The following GRIP1 variants were observed in gnomAD, a reference collection of about 807,000 sequenced individuals.
The protein encoded by GRIP1 is glutamate receptor-interacting protein 1.
GRIP1 carries 45 observed loss-of-function variants against 129.9 expected under a neutral mutation model. That is an observed-to-expected ratio of 0.35 (90% confidence interval 0.27 to 0.44). The LOEUF is 0.44. Ranked by LOEUF, GRIP1 falls within the 20% of genes least tolerant of loss-of-function variation. The pLI, the probability that GRIP1 is intolerant of heterozygous loss-of-function variation, is 1.00. For synonymous variants in GRIP1, 530 were observed against 520.8 expected (o/e 1.02, Z -0.24); for missense variants, 1,196 against 1,396.8 (o/e 0.86, Z 2.29).
intron 2 of GRIP1, among the ~76,000 whole-genome samples, chr12:66,588,504 G>A (rs1390838737): frequency 6.6e-6 from 1 of 152,076 alleles, no homozygotes; most frequent in Non-Finnish European, 1.5e-5. Context: ...AGGCTCAACT[G>A]GCCTTGAGAA....
intron 1 of GRIP1, among the ~76,000 whole-genome samples, chr12:67,063,985 T>C (rs2043579399): frequency 6.6e-6 from 1 of 152,192 alleles, no homozygotes; most frequent in South Asian, 2.1e-4. Flanking sequence ...TCAATTCTTG[T>C]TAATGCTTGC....
At chr12:66,732,543 A>AAAAC (rs1176748024) in intron 1 of GRIP1, among the ~76,000 whole-genome samples, 156 of 152,072 alleles carry the variant, frequency 1.0e-3, no homozygotes, top group African/African-American at 3.7e-3. Flanking sequence ...ACACCGTCTC[A>AAAAC]AAACAAACAA....
chr12:67,068,624 C>T (rs796507314), intron 1 of GRIP1, among the ~76,000 whole-genome samples: 10 of 152,098 alleles, frequency 6.6e-5, no homozygotes, highest in African/African-American at 2.4e-4. Flanking sequence ...AGGGTGGCCG[C>T]GGGAGGTGGA....
intron 1 of GRIP1, among the ~76,000 whole-genome samples, chr12:66,663,197 G>A (rs924003533): frequency 1.3e-5 from 2 of 152,050 alleles, no homozygotes; most frequent in African/African-American, 4.8e-5. Context: ...ATTAATTATT[G>A]TCATAAAGAG....
chr12:66,867,832 G>A (rs1033121455), intron 1 of GRIP1, among the ~76,000 whole-genome samples: 2 of 152,064 alleles, frequency 1.3e-5, no homozygotes, highest in Admixed American at 6.6e-5. Context: ...AGTCATATAC[G>A]ACGGGTACTC....
At chr12:66,445,748 C>A (rs554801437) in intron 11 of GRIP1, among the ~76,000 whole-genome samples, 1 of 152,266 alleles carries the variant, frequency 6.6e-6, no homozygotes, top group Non-Finnish European at 1.5e-5. Context: ...AACCAGGGAT[C>A]ATTGTGGGGG....
chr12:66,841,290 G>A (rs897748321), intron 1 of GRIP1, among the ~76,000 whole-genome samples: 1 of 152,014 alleles, frequency 6.6e-6, no homozygotes, highest in African/African-American at 2.4e-5. Context: ...AGTCCTTCAA[G>A]GGATACCAAG....
intron 1 of GRIP1, among the ~76,000 whole-genome samples, chr12:66,979,125 T>A (rs936226809): frequency 2.7e-5 from 4 of 150,334 alleles, no homozygotes; most frequent in Non-Finnish European, 5.9e-5. Context: ...GAAAATACAC[T>A]TTTTTTCCTG....
chr12:66,696,910 A>C (rs1001150117), intron 1 of GRIP1, among the ~76,000 whole-genome samples: 2 of 152,182 alleles, frequency 1.3e-5, no homozygotes, highest in Non-Finnish European at 2.9e-5. Flanking sequence ...AGATGCAAAA[A>C]AAGTTGCTTG....
At chr12:66,472,005 A>G (rs1450265739) in intron 7 of GRIP1, among the ~76,000 whole-genome samples, 1 of 152,192 alleles carries the variant, frequency 6.6e-6, no homozygotes, top group Non-Finnish European at 1.5e-5. Context: ...AATTCAAGGA[A>G]GTCCCCTGTG....
chr12:66,527,580 C>T (rs190721065), intron 5 of GRIP1, among the ~76,000 whole-genome samples: 2 of 151,910 alleles, frequency 1.3e-5, no homozygotes, highest in Non-Finnish European at 2.9e-5. Flanking sequence ...TGCTAAATGA[C>T]AAGTTAATGG....
chr12:67,002,234 T>C (rs1459211735), intron 1 of GRIP1, among the ~76,000 whole-genome samples: 1 of 152,206 alleles, frequency 6.6e-6, no homozygotes, highest in Non-Finnish European at 1.5e-5. Context: ...AACTATTTTT[T>C]CCCACTCAAA....
intron 1 of GRIP1, among the ~76,000 whole-genome samples, chr12:66,663,425 C>T (rs993914995): frequency 1.3e-5 from 2 of 152,194 alleles, no homozygotes; most frequent in Admixed American, 1.3e-4. Flanking sequence ...CTTTCACCAT[C>T]TGGGGGGCCA....
chr12:66,529,887 C>A lies in GRIP1; in HGVS notation c.446G>T (p.Arg149Leu). ...VSVQGSSVIF[R>L]TVEVTLHKEG... The stretch of plus-strand genomic sequence containing the variant: ...TTTATGTAATGTGACCTCCACTGTT[C>A]GGAAAATAACACTTGATCCTTGCAC... Residue 149 changes from arginine (R) to leucine (L), a missense_variant, in exon 5 of 25, where the codon CGA becomes CTA. By Grantham distance (102) the Arg-to-Leu change is moderately radical. Coordinates refer to ENST00000359742, the MANE Select transcript of GRIP1 (RefSeq NM_001366722.1). The A allele has an allele frequency of 1.2e-6, 2 of 1,601,770 alleles. No individual in the cohort carries two copies. The highest frequency in any genetic ancestry group is 1.1e-5 in the South Asian group (1 of 90,784).
intron 1 of GRIP1, among the ~76,000 whole-genome samples, chr12:67,002,818 TCTA>T (rs2042571411): frequency 2.0e-5 from 3 of 152,214 alleles, no homozygotes; most frequent in Non-Finnish European, 4.4e-5. Context: ...CAGAGACTTC[TCTA>T]AGTAAAGAAG....
intron 9 of GRIP1, among the ~76,000 whole-genome samples, chr12:66,462,464 G>GA (rs1320573708): frequency 6.6e-6 from 1 of 151,922 alleles, no homozygotes; most frequent in Non-Finnish European, 1.5e-5. Context: ...ACTTTTTTAA[G>GA]AAAAAAATAT....
intron 2 of GRIP1, among the ~76,000 whole-genome samples, chr12:66,594,973 T>C (rs546324821): frequency 2.6e-5 from 4 of 152,332 alleles, no homozygotes; most frequent in African/African-American, 9.6e-5. Context: ...GTTAATTCTC[T>C]CCCTAAAATA....
intron 1 of GRIP1, among the ~76,000 whole-genome samples, chr12:66,619,968 T>C (rs73325160): frequency 0.14 from 21,650 of 152,224 alleles, 1,667 homozygotes; most frequent in Middle Eastern, 0.19. Context: ...AACTCTTCTT[T>C]AGAAAACATT....
chr12:66,858,664 G>C (rs11176455), intron 1 of GRIP1, among the ~76,000 whole-genome samples: 33,329 of 151,746 alleles, frequency 0.22, 3,734 homozygotes, highest in East Asian at 0.38. Flanking sequence ...TTTATAATAG[G>C]CTTCTTTCGG....
Sources: gnomAD v4.1 joint callset for allele counts (sites outside exome capture counted in the v4.1 genomes callset) on GRCh38, gnomAD v4.1.1 for gene constraint, MANE v1.5 for transcripts, NCBI Gene and HGNC (gene_info 2026-07-23, HGNC 2026-07-21) for gene names.